The following PTPRD variants were observed in gnomAD, a reference collection of about 807,000 sequenced individuals.
PTPRD encodes receptor-type tyrosine-protein phosphatase delta.
In PTPRD, 34 loss-of-function variants were observed where a neutral mutation model predicts 214.5. The observed-to-expected ratio is 0.16, with a 90% CI of 0.12 to 0.21. The LOEUF is 0.21. Ranked by LOEUF, PTPRD falls within the 10% of genes least tolerant of loss-of-function variation. The pLI is 1.00. For synonymous variants in PTPRD, 1,128 were observed against 845.7 expected (o/e 1.33, Z -5.79); for missense variants, 2,545 against 2,398.7 (o/e 1.06, Z -1.27).
intron 5 of PTPRD, among the ~76,000 whole-genome samples, chr9:9,845,350 G>C (rs10816204): frequency 0.25 from 38,512 of 151,066 alleles, 5,992 homozygotes; most frequent in East Asian, 0.78. Flanking sequence ...GAATGATCTT[G>C]TCCACAAAAG....
intron 5 of PTPRD, among the ~76,000 whole-genome samples, chr9:9,933,649 G>A (rs2087812212): frequency 1.3e-5 from 2 of 148,898 alleles, no homozygotes; most frequent in African/African-American, 2.6e-5. Context: ...ACACCCCACT[G>A]TCAACATTAG....
chr9:10,389,176 C>T (rs915896541), intron 2 of PTPRD, among the ~76,000 whole-genome samples: 2 of 151,712 alleles, frequency 1.3e-5, no homozygotes, highest in African/African-American at 4.8e-5. Context: ...GGCTGCAAAC[C>T]CTATTAAAGA....
rs377150358 is a variant in PTPRD, at chr9:10,229,415, C to T, written c.-545+111548G>A. On this transcript the variant is annotated intron_variant, in intron 3 of 45. Transcript: ENST00000381196. ...GACACATGCACACGTATGTTTATTG[C>T]GGCACTATTCACAATAGCAAAGACT... Among the ~76,000 whole-genome samples the T allele has an allele frequency of 2.4e-4, 37 of 152,008 alleles. No homozygotes were observed. In the East Asian group the frequency reaches 4.1e-3, roughly 17 times the overall value.
intron 3 of PTPRD, among the ~76,000 whole-genome samples, chr9:10,140,617 A>C (rs1043748842): frequency 6.6e-6 from 1 of 152,144 alleles, no homozygotes; most frequent in African/African-American, 2.4e-5. Flanking sequence ...ATAGCTTACC[A>C]ACGAAAAAAG....
At chr9:9,743,532 T>A (rs1334918500) in intron 6 of PTPRD, among the ~76,000 whole-genome samples, 1 of 152,078 alleles carries the variant, frequency 6.6e-6, no homozygotes, top group Non-Finnish European at 1.5e-5. Flanking sequence ...ATGGGCCATC[T>A]GACCTCCCTA....
chr9:9,047,673 G>C (rs914062331), intron 10 of PTPRD, among the ~76,000 whole-genome samples: 8 of 152,094 alleles, frequency 5.3e-5, no homozygotes, highest in Non-Finnish European at 7.4e-5. Flanking sequence ...AATAAATGGT[G>C]CTGGGAAAAC....
At chr9:8,782,802 G>A (rs1490242607) in intron 11 of PTPRD, among the ~76,000 whole-genome samples, 1 of 151,940 alleles carries the variant, frequency 6.6e-6, no homozygotes, top group Non-Finnish European at 1.5e-5. Flanking sequence ...CACCATGTTG[G>A]TCAGGCTGGT....
intron 11 of PTPRD, among the ~76,000 whole-genome samples, chr9:8,996,968 T>C (rs926144869): frequency 2.0e-5 from 3 of 152,108 alleles, no homozygotes; most frequent in African/African-American, 7.2e-5. Flanking sequence ...AAAAAGAATA[T>C]ATTTTATGTA....
intron 9 of PTPRD, among the ~76,000 whole-genome samples, chr9:9,292,698 C>T (rs1282137997): frequency 2.6e-5 from 4 of 151,384 alleles, no homozygotes; most frequent in African/African-American, 9.7e-5. Context: ...CAAGATACCA[C>T]ATTATATTTA....
At chr9:8,334,095 C>G (rs961055533) in intron 43 of PTPRD, among the ~76,000 whole-genome samples, 3 of 152,120 alleles carry the variant, frequency 2.0e-5, no homozygotes, top group Non-Finnish European at 4.4e-5. Context: ...TAATAGGAGA[C>G]TTTAACACCC....
intron 9 of PTPRD, among the ~76,000 whole-genome samples, chr9:9,204,557 T>C (rs1261914990): frequency 1.3e-5 from 2 of 152,090 alleles, no homozygotes; most frequent in African/African-American, 4.8e-5. Context: ...AACTATAGAG[T>C]ACTCTATATA....
intron 36 of PTPRD, among the ~76,000 whole-genome samples, chr9:8,402,947 C>G (rs2092590122): frequency 6.6e-6 from 1 of 151,902 alleles, no homozygotes; most frequent in Non-Finnish European, 1.5e-5. Context: ...TATTTTCCAC[C>G]ATCCAAAGTA....
intron 3 of PTPRD, among the ~76,000 whole-genome samples, chr9:10,049,162 C>T (rs959750182): frequency 8.5e-5 from 13 of 152,100 alleles, no homozygotes; most frequent in Admixed American, 8.5e-4. Context: ...GATACCACTT[C>T]AATGTGGCGT....
chr9:8,678,465 T>A (rs891079635), intron 12 of PTPRD, among the ~76,000 whole-genome samples: 2 of 152,190 alleles, frequency 1.3e-5, no homozygotes, highest in Non-Finnish European at 2.9e-5. Context: ...TTGTCTCTTC[T>A]TGATTCAGTC....
intron 43 of PTPRD, among the ~76,000 whole-genome samples, chr9:8,334,079 CAATAAT>C (rs1301954043): frequency 6.6e-6 from 1 of 152,116 alleles, no homozygotes; most frequent in Non-Finnish European, 1.5e-5. Flanking sequence ...GACTCCCACA[CAATAAT>C]AATAGGAGAC....
intron 10 of PTPRD, among the ~76,000 whole-genome samples, chr9:9,033,612 CT>C (rs1044933174): frequency 2.0e-5 from 3 of 151,970 alleles, no homozygotes; most frequent in African/African-American, 7.2e-5. Flanking sequence ...TTATTTTTCC[CT>C]TTTTTGATTG....
chr9:8,440,062 T>C (rs943786640), intron 34 of PTPRD, among the ~76,000 whole-genome samples: 6 of 150,396 alleles, frequency 4.0e-5, no homozygotes, highest in Admixed American at 1.3e-4. Context: ...CTTAGTCCTA[T>C]AGGATTCATG....
chr9:10,266,921 T>C (rs146522185), intron 3 of PTPRD, among the ~76,000 whole-genome samples: 1,719 of 152,070 alleles, frequency 0.011, 38 homozygotes, highest in African/African-American at 0.039. Context: ...TTGGGCATGG[T>C]GGCTCACATC....
chr9:10,308,729 C>A (rs2643000), intron 3 of PTPRD, among the ~76,000 whole-genome samples: 3 of 151,940 alleles, frequency 2.0e-5, no homozygotes, highest in Non-Finnish European at 2.9e-5. Flanking sequence ...TTTCCAATTT[C>A]TTTGATTACT....
Sources: gnomAD v4.1 joint callset for allele counts (sites outside exome capture counted in the v4.1 genomes callset) on GRCh38, gnomAD v4.1.1 for gene constraint, MANE v1.5 for transcripts, NCBI Gene and HGNC (gene_info 2026-07-23, HGNC 2026-07-21) for gene names.